POLN: variants seen among roughly 807,000 people sequenced by gnomAD.
POLN encodes the protein DNA polymerase nu, also known as DNA polymerase N.
Under a neutral mutation model 113.5 loss-of-function variants are expected in POLN, and 108 were observed. That is an observed-to-expected ratio of 0.95 (90% CI 0.81 to 1.12). POLN has a LOEUF of 1.12. Ranked by LOEUF, POLN falls within the 50% of genes most tolerant of loss-of-function variation. The pLI is 0.00. For missense variants in POLN, 1,097 were observed against 1,077.1 expected, an observed-to-expected ratio of 1.02 and a Z score of -0.26; for synonymous variants, 386 against 391.5, an observed-to-expected ratio of 0.99 and a Z score of 0.17.
intron 13 of POLN, among the ~76,000 whole-genome samples, chr4:2,159,819 C>T (rs76219156): frequency 0.022 from 3,336 of 152,212 alleles, 132 homozygotes; most frequent in African/African-American, 0.076. Flanking sequence ...ACATATGAAG[C>T]AGTATTTCAT....
Position 2,200,525 on chromosome 4 carries a change from G to A in POLN, c.715-1808C>T, listed in dbSNP as rs192519690. Among the ~76,000 whole-genome samples, 67 of 152,268 alleles carry A rather than the reference G, an allele frequency of 4.4e-4. 1 individual carries two copies. The highest frequency in any genetic ancestry group is 1.5e-3 in the African/African-American group (62 of 41,548). On this transcript the variant is annotated intron_variant, in intron 5 of 25. Coordinates refer to ENST00000511885, the MANE Select transcript of POLN (RefSeq NM_181808.4). ...ATCCACAACCGAAAGACCCACAGAC[G>A]GTTCACATCACAGGACTCTGTGCAG... is the stretch of plus-strand genomic sequence containing the variant.
intron 3 of POLN, among the ~76,000 whole-genome samples, chr4:2,214,829 C>G (rs1261280543): frequency 2.6e-5 from 4 of 151,526 alleles, no homozygotes; most frequent in East Asian, 3.9e-4. Context: ...AAATTTTGAC[C>G]TAAACTAAAC....
At chr4:2,116,128 C>A (rs1731311947) in intron 19 of POLN, among the ~76,000 whole-genome samples, 1 of 152,080 alleles carries the variant, frequency 6.6e-6, no homozygotes, top group Admixed American at 6.5e-5. Context: ...TAGTTGATTT[C>A]TTCTCTCAGC....
rs554296689 is a variant in POLN, at chr4:2,101,452, C to T, written c.1983-5519G>A. Among the ~76,000 whole-genome samples, 5 of 152,294 alleles carry T rather than the reference C, an allele frequency of 3.3e-5. No homozygotes were observed. In the East Asian group the frequency reaches 7.7e-4, roughly 24 times the overall value. ...AAACAGGCAGCCTGCATGGCCCGGA[C>T]GGGCTGGGAACCAGAGTGACTCCCC... On this transcript the variant is annotated intron_variant, in intron 19 of 25. Transcript: ENST00000511885.
At chr4:2,188,614 A>G (rs1733345037) in intron 7 of POLN, among the ~76,000 whole-genome samples, 1 of 132,446 alleles carries the variant, frequency 7.6e-6, no homozygotes, top group Admixed American at 7.4e-5. Flanking sequence ...AAAAACAAAA[A>G]ACAAAAAAAC....
At chr4:2,189,756 C>A (rs147109654) in intron 7 of POLN, among the ~76,000 whole-genome samples, 1 of 151,530 alleles carries the variant, frequency 6.6e-6, no homozygotes, top group African/African-American at 2.4e-5. Context: ...AAAGGCCAGG[C>A]GCGGTGGCTC....
chr4:2,143,133 A>G (rs1252880320), intron 16 of POLN, among the ~76,000 whole-genome samples: 3 of 152,290 alleles, frequency 2.0e-5, no homozygotes, highest in East Asian at 3.9e-4. Flanking sequence ...GAAAAAAGAA[A>G]AAGTCTCAAA....
intron 7 of POLN, among the ~76,000 whole-genome samples, chr4:2,180,018 G>A (rs535271676): frequency 1.3e-5 from 2 of 152,282 alleles, no homozygotes; most frequent in South Asian, 4.1e-4. Flanking sequence ...AAGATACTTT[G>A]GCATTCTCCC....
chr4:2,165,583 T>C (rs527554708), intron 13 of POLN, among the ~76,000 whole-genome samples: 2 of 152,164 alleles, frequency 1.3e-5, no homozygotes, highest in South Asian at 2.1e-4. Flanking sequence ...AAGAGTATAT[T>C]GTGTAACTAC....
chr4:2,078,631 C>T, intron 23 of POLN: 1 of 985,488 alleles, frequency 1.0e-6, no homozygotes, highest in South Asian at 4.7e-5. Flanking sequence ...GAGCCTGCAC[C>T]CGTCCCTTCC....
At chr4:2,190,937 T>C (rs1256276927) in intron 7 of POLN, among the ~76,000 whole-genome samples, 1 of 152,170 alleles carries the variant, frequency 6.6e-6, no homozygotes, top group Non-Finnish European at 1.5e-5. Context: ...AGTAAATTAG[T>C]ACAGCCACTA....
chr4:2,198,802 A>G, intron 5 of POLN, 85 bp from the exon 6 acceptor site: 12 of 1,274,816 alleles, frequency 9.4e-6, no homozygotes, highest in Non-Finnish European at 1.3e-5. Flanking sequence ...GCAGAGAGAA[A>G]GAGAAAAGGC....
chr4:2,229,161 A>C lies in POLN; in HGVS notation c.71T>G (p.Ile24Ser), dbSNP rs1734488251. The part of the protein sequence containing the change: ...NTPLSSVAQK[I>S]MSAMHSGDLV... ...ATCACCTGAATGCATAGCAGACATAATCTTCTGAGCAACACTGGAGAGCGG... is the reference window on the plus strand; with the variant it reads ...ATCACCTGAATGCATAGCAGACATACTCTTCTGAGCAACACTGGAGAGCGG... The change falls in exon 3 of 26, where the codon ATT becomes AGT. Residue 24 changes from isoleucine (I) to serine (S), a missense_variant. Physicochemically the swap from Ile to Ser is moderately radical, Grantham distance 142 (BLOSUM62 -2). Coordinates refer to ENST00000511885, the MANE Select transcript of POLN (RefSeq NM_181808.4). 6.2e-7 allele frequency: 1 copy of C among 1,610,690 alleles called. No homozygotes were observed. The highest frequency in any genetic ancestry group is 1.3e-5 in the African/African-American group (1 of 74,856).
intron 19 of POLN, among the ~76,000 whole-genome samples, chr4:2,112,303 T>C (rs1731215483): frequency 6.6e-6 from 1 of 152,208 alleles, no homozygotes. Context: ...ACCTAGGCAA[T>C]ACCATTCAGG....
chr4:2,092,440 G>C (rs1730691205), intron 20 of POLN, among the ~76,000 whole-genome samples: 1 of 152,230 alleles, frequency 6.6e-6, no homozygotes, highest in Non-Finnish European at 1.5e-5. Flanking sequence ...TTTGAATTCA[G>C]TTGACTGATG....
intron 16 of POLN, chr4:2,139,884 GA>G (rs1367417020): frequency 2.9e-5 from 1 of 34,322 alleles, no homozygotes; most frequent in Non-Finnish European, 1.2e-4. Context: ...CATCAGGAAA[GA>G]AAGGCAGAGC....
intron 13 of POLN, among the ~76,000 whole-genome samples, chr4:2,161,664 C>G (rs1032964539): frequency 6.6e-6 from 1 of 152,198 alleles, no homozygotes; most frequent in East Asian, 1.9e-4. Flanking sequence ...CGCACGGCAC[C>G]GGGACTGGCA....
At position 2,128,271 on chromosome 4, in the gene POLN, G is replaced by C. The variant is rs564360948; in HGVS notation, c.1868-44C>G. ...CATTAATTTAGAGTTTGCCAGCAAT[G>C]TTCCTCGTGTTTGCTGCGCACCCCG... On this transcript the variant is annotated intron_variant, in intron 18 of 25. Transcript: ENST00000511885. 1.1e-5 allele frequency: 14 copies of C among 1,322,824 alleles called. No individual in the cohort carries two copies. The South Asian group carries it at 1.5e-4, about 14-fold the overall frequency. 81.9% of individuals were successfully genotyped at this position (1,322,824 alleles called of 1,614,324 possible). A position where few individuals can be genotyped will look rare whatever the true frequency, so the allele number is the denominator to read the frequency against.
intron 21 of POLN, among the ~76,000 whole-genome samples, chr4:2,084,909 C>G (rs1730513262): frequency 2.6e-5 from 4 of 152,184 alleles, no homozygotes; most frequent in African/African-American, 4.8e-5. Context: ...CCTTTTTTCC[C>G]TGCTGCTCTT....
Sources: gnomAD v4.1 joint callset for allele counts (sites outside exome capture counted in the v4.1 genomes callset) on GRCh38, gnomAD v4.1.1 for gene constraint, MANE v1.5 for transcripts, NCBI Gene and HGNC (gene_info 2026-07-23, HGNC 2026-07-21) for gene names.